The following CACNA1C variants were observed in gnomAD, a reference collection of about 807,000 sequenced individuals.
CACNA1C encodes the protein calcium voltage-gated channel subunit alpha1 C, also known as voltage-dependent L-type calcium channel subunit alpha-1C.
A neutral mutation model predicts 229.0 loss-of-function variants in CACNA1C; 30 were observed. The ratio of observed to expected loss-of-function variants is 0.13; its 90% CI spans 0.10 to 0.18. CACNA1C has a LOEUF of 0.18. Among genes scored for constraint, CACNA1C ranks in the 10% least tolerant of loss-of-function variants. The probability of loss-of-function intolerance (pLI) is 1.00; values close to 1 mark genes in which losing one functional copy is unlikely to be tolerated. For synonymous variants in CACNA1C, 1,114 were observed against 1,132.5 expected (o/e 0.98, Z 0.33); for missense variants, 1,658 against 2,845.0 (o/e 0.58, Z 9.49).
intron 3 of CACNA1C, among the ~76,000 whole-genome samples, chr12:2,266,910 C>G (rs2082599425): frequency 6.6e-6 from 1 of 152,134 alleles, no homozygotes; most frequent in African/African-American, 2.4e-5. Flanking sequence ...TTCTGTCAAC[C>G]AAGGGATAAT....
At chr12:2,135,155 C>T (rs1333007064) in intron 3 of CACNA1C, among the ~76,000 whole-genome samples, 2 of 147,386 alleles carry the variant, frequency 1.4e-5, no homozygotes, top group Non-Finnish European at 3.0e-5. Flanking sequence ...TTTTCAGCTC[C>T]ATCAGCTCCT....
At chr12:2,456,473 C>T (rs575294212) in intron 4 of CACNA1C, among the ~76,000 whole-genome samples, 1 of 152,314 alleles carries the variant, frequency 6.6e-6, no homozygotes, top group Admixed American at 6.5e-5. Flanking sequence ...GGTGGGGTTC[C>T]CTATTTCCTC....
chr12:2,261,876 A>G (rs1566746504), intron 3 of CACNA1C, among the ~76,000 whole-genome samples: 1 of 152,170 alleles, frequency 6.6e-6, no homozygotes, highest in Non-Finnish European at 1.5e-5. Context: ...GTGCAGTACT[A>G]ATATGGGAAT....
At chr12:2,433,536 C>A (rs1431832568) in intron 3 of CACNA1C, among the ~76,000 whole-genome samples, 1 of 152,202 alleles carries the variant, frequency 6.6e-6, no homozygotes, top group African/African-American at 2.4e-5. Flanking sequence ...CCCATTTATC[C>A]ATGTACTTCT....
intron 3 of CACNA1C, among the ~76,000 whole-genome samples, chr12:2,129,953 T>A (rs1246226671): frequency 1.3e-5 from 2 of 152,260 alleles, no homozygotes; most frequent in Non-Finnish European, 2.9e-5. Flanking sequence ...GGCTTACTTA[T>A]GAATAAAGTG....
chr12:2,380,398 G>A (rs1330082631), intron 3 of CACNA1C, among the ~76,000 whole-genome samples: 3 of 152,202 alleles, frequency 2.0e-5, no homozygotes, highest in Non-Finnish European at 4.4e-5. Flanking sequence ...CTGGACAATG[G>A]TATTAGGATT....
chr12:2,500,693 A>C (rs1326845103), intron 7 of CACNA1C, among the ~76,000 whole-genome samples: 1 of 151,934 alleles, frequency 6.6e-6, no homozygotes, highest in African/African-American at 2.4e-5. Flanking sequence ...ATCCTCTGCC[A>C]CTCTTGATCC....
At chr12:2,421,270 A>G (rs2098976295) in intron 3 of CACNA1C, among the ~76,000 whole-genome samples, 1 of 152,200 alleles carries the variant, frequency 6.6e-6, no homozygotes, top group Non-Finnish European at 1.5e-5. Flanking sequence ...AACCTCTCAT[A>G]TAACTTCTGA....
intron 3 of CACNA1C, among the ~76,000 whole-genome samples, chr12:2,233,321 C>A (rs1362551268): frequency 6.6e-6 from 1 of 152,196 alleles, no homozygotes; most frequent in East Asian, 1.9e-4. Flanking sequence ...TCAGTGTTAT[C>A]CTTTCACTCA....
chr12:2,154,964 G>C (rs758103434), intron 3 of CACNA1C, among the ~76,000 whole-genome samples: 2 of 152,208 alleles, frequency 1.3e-5, no homozygotes, highest in Non-Finnish European at 2.9e-5. Flanking sequence ...TCTGAAAGCG[G>C]CCCATCCTGC....
intron 11 of CACNA1C, among the ~76,000 whole-genome samples, chr12:2,558,305 G>A (rs1478637632): frequency 1.3e-5 from 2 of 152,190 alleles, no homozygotes; most frequent in African/African-American, 4.8e-5. Context: ...GTCTGAACTG[G>A]TACCTGCTGA....
intron 3 of CACNA1C, among the ~76,000 whole-genome samples, chr12:2,336,239 T>G (rs528785545): frequency 7.9e-5 from 12 of 152,342 alleles, no homozygotes; most frequent in African/African-American, 2.4e-4. Flanking sequence ...GCACGATTAT[T>G]CCAACCTATC....
intron 3 of CACNA1C, chr12:2,288,010 A>G (rs2092964681): frequency 6.7e-6 from 1 of 149,056 alleles, no homozygotes; most frequent in Non-Finnish European, 1.5e-5. Flanking sequence ...ATAACTATTC[A>G]TTGGTCAGAC....
chr12:2,616,397 T>G (rs147196002), intron 29 of CACNA1C, among the ~76,000 whole-genome samples: 1 of 152,216 alleles, frequency 6.6e-6, no homozygotes, highest in South Asian at 2.1e-4. Flanking sequence ...GTGGAGCCCC[T>G]CTTGACTGGG....
chr12:2,499,465 G>C (rs1380464782), intron 7 of CACNA1C, among the ~76,000 whole-genome samples: 1 of 152,244 alleles, frequency 6.6e-6, no homozygotes, highest in Non-Finnish European at 1.5e-5. Flanking sequence ...TGGCCTCGAG[G>C]AGAGGGGCTA....
At chr12:2,579,897 C>T (rs1025947387) in intron 13 of CACNA1C, among the ~76,000 whole-genome samples, 3 of 152,218 alleles carry the variant, frequency 2.0e-5, no homozygotes, top group African/African-American at 7.2e-5. Context: ...GCCCAGCCAC[C>T]TCTACTGATG....
At chr12:2,544,216 G>T (rs1454455288) in intron 9 of CACNA1C, among the ~76,000 whole-genome samples, 3 of 151,978 alleles carry the variant, frequency 2.0e-5, no homozygotes, top group African/African-American at 7.3e-5. Context: ...AGATGAGTGT[G>T]TGAGACACAG....
chr12:2,475,024 G>C (rs1450378669), intron 5 of CACNA1C, among the ~76,000 whole-genome samples: 7 of 152,110 alleles, frequency 4.6e-5, no homozygotes, highest in African/African-American at 1.4e-4. Flanking sequence ...TTTTGGCTGG[G>C]CGCGGTGGCT....
intron 3 of CACNA1C, among the ~76,000 whole-genome samples, chr12:2,300,826 TG>T (rs2094498368): frequency 6.6e-6 from 1 of 152,162 alleles, no homozygotes; most frequent in South Asian, 2.1e-4. Flanking sequence ...TGGAGGTGGC[TG>T]GGGGAGCCTG....
Sources: allele counts gnomAD v4.1 joint callset (sites outside exome capture counted in the v4.1 genomes callset), GRCh38; gene constraint gnomAD v4.1.1; transcripts MANE v1.5; gene names NCBI Gene and HGNC (gene_info 2026-07-23, HGNC 2026-07-21).